Variants in HIBCH observed in about 807,000 individuals in gnomAD.
HIBCH encodes the protein 3-hydroxyisobutyryl-CoA hydrolase.
HIBCH carries 50 observed loss-of-function variants against 58.2 expected under a neutral mutation model. That is an observed-to-expected ratio of 0.86 (90% CI 0.68 to 1.09). The LOEUF is 1.09. Ranked by LOEUF, HIBCH falls within the 50% of genes least tolerant of loss-of-function variation. HIBCH has a pLI of 0.00. For synonymous variants in HIBCH, 151 were observed against 146.9 expected (o/e 1.03, Z -0.20); for missense variants, 450 against 449.7 (o/e 1.00, Z -0.01).
chr2:190,196,347 G>C (rs916649488), intron 1 of HIBCH, among the ~76,000 whole-genome samples: 1 of 151,990 alleles, frequency 6.6e-6, no homozygotes, highest in East Asian at 1.9e-4. Context: ...TCCACACAAT[G>C]AATTTTTCAT....
intron 11 of HIBCH, among the ~76,000 whole-genome samples, chr2:190,224,636 A>C (rs1685836356): frequency 6.6e-6 from 1 of 152,200 alleles, no homozygotes; most frequent in Non-Finnish European, 1.5e-5. Context: ...TTAATAAAGC[A>C]AGTCCTTACA....
chr2:190,318,233 G>C (rs1220961733), intron 1 of HIBCH, among the ~76,000 whole-genome samples: 2 of 150,672 alleles, frequency 1.3e-5, no homozygotes, highest in Admixed American at 1.3e-4. Flanking sequence ...GTTACCCTAA[G>C]ACAGATGATT....
intron 8 of HIBCH, 69 bp from the exon 9 acceptor site, chr2:190,249,795 CTCA>C (rs2105938727): frequency 1.0e-6 from 1 of 989,504 alleles, no homozygotes; most frequent in South Asian, 1.4e-5. Context: ...TTATAAAAAT[CTCA>C]TCTTCTTTTT....
chr2:190,234,870 G>A (rs1423362956), intron 11 of HIBCH, among the ~76,000 whole-genome samples: 1 of 151,830 alleles, frequency 6.6e-6, no homozygotes, highest in Non-Finnish European at 1.5e-5. Flanking sequence ...CGTATGGTGT[G>A]AGAAGCCAGT....
chr2:190,246,242 T>A (rs1686604702), intron 9 of HIBCH, 30 bp from the exon 10 acceptor site: 1 of 1,307,294 alleles, frequency 7.6e-7, no homozygotes, highest in East Asian at 2.4e-5. Flanking sequence ...TTTTAATAAA[T>A]TTGAACACAA....
Position 190,194,019 on chromosome 2 carries a change from G to A in HIBCH, c.*18-4022C>T, listed in dbSNP as rs368162964. ...TTGAAACTATATTTTAATTTCTCCT[G>A]TGATTTTCTTCTTTGTCCCATGGGT... On this transcript the variant is annotated intron_variant, in intron 1 of 1. Transcript: ENST00000399855. Among the ~76,000 whole-genome samples, 4 of 152,060 alleles carry A rather than the reference G, an allele frequency of 2.6e-5. No homozygotes were observed. In the East Asian group the frequency reaches 7.7e-4, roughly 29 times the overall value.
intron 2 of HIBCH, among the ~76,000 whole-genome samples, chr2:190,302,769 C>T (rs562871117): frequency 5.3e-5 from 8 of 152,092 alleles, no homozygotes; most frequent in Non-Finnish European, 1.2e-4. Flanking sequence ...TTGGGGGGAA[C>T]AGGATTTTTT....
At position 190,254,355 on chromosome 2, in the gene HIBCH, T is replaced by A. The variant is rs1426383891; in HGVS notation, c.518-2048A>T. 6.6e-6 allele frequency among the ~76,000 whole-genome samples: 1 copy of A among 152,130 alleles called. No homozygotes were observed. On this transcript the variant is annotated intron_variant, in intron 7 of 13. Transcript: ENST00000359678. The surrounding 1 kb of genome is among the most constrained non-coding windows in gnomAD (Gnocchi z 5.0). ...GACAGAGCAAGAAGGCAGCAGTCTATTAGCCACAGAGAGAGGGCTCAAGAG... is the reference window on the plus strand; with the variant it reads ...GACAGAGCAAGAAGGCAGCAGTCTAATAGCCACAGAGAGAGGGCTCAAGAG...
At chr2:190,290,811 A>G (rs1355682938) in intron 4 of HIBCH, among the ~76,000 whole-genome samples, 1 of 152,224 alleles carries the variant, frequency 6.6e-6, no homozygotes, top group East Asian at 1.9e-4. Context: ...CCTTGAGGCC[A>G]GGAGTTTGAG....
intron 6 of HIBCH, among the ~76,000 whole-genome samples, chr2:190,268,867 C>CT (rs1238177930): frequency 6.6e-6 from 1 of 152,104 alleles, no homozygotes; most frequent in Non-Finnish European, 1.5e-5. Context: ...CAGCATGGTA[C>CT]TGGTACCAAA....
intron 1 of HIBCH, among the ~76,000 whole-genome samples, chr2:190,198,827 TAAGAGGAGTTC>T (rs1191531022): frequency 2.0e-5 from 3 of 152,088 alleles, no homozygotes; most frequent in African/African-American, 7.2e-5. Context: ...TTAAGTCCCT[TAAGAGGAGTTC>T]ATTCTGTGAT....
chr2:190,290,878 C>T (rs1173876580), intron 4 of HIBCH, among the ~76,000 whole-genome samples: 1 of 152,062 alleles, frequency 6.6e-6, no homozygotes, highest in Non-Finnish European at 1.5e-5. Context: ...GGCTGCAGTG[C>T]CACATGCCTG....
intron 6 of HIBCH, chr2:190,280,885 G>C (rs954625818): frequency 1.3e-5 from 2 of 152,176 alleles, no homozygotes; most frequent in Non-Finnish European, 2.9e-5. Context: ...TATTGTTCCT[G>C]TTCTAAAACT....
intron 4 of HIBCH, among the ~76,000 whole-genome samples, chr2:190,291,258 G>C (rs1248759909): frequency 1.3e-5 from 2 of 152,162 alleles, no homozygotes; most frequent in Non-Finnish European, 2.9e-5. Context: ...AGGTGTTGCA[G>C]ATAATAAAGA....
At chr2:190,305,664 A>G (rs1379795729) in intron 2 of HIBCH, among the ~76,000 whole-genome samples, 1 of 152,216 alleles carries the variant, frequency 6.6e-6, no homozygotes, top group Non-Finnish European at 1.5e-5. Flanking sequence ...ATGTAGGATC[A>G]CATTAGGGGA....
Position 190,301,068 on chromosome 2 carries a change from T to C in HIBCH, c.79-4115A>G, listed in dbSNP as rs144108830. Among the ~76,000 whole-genome samples, 223 of 152,292 alleles carry C rather than the reference T, an allele frequency of 1.5e-3. 1 individual carries two copies. Among genetic ancestry groups the C allele is most frequent in the African/African-American group, 5.3e-3 (219 of 41,552 alleles). ...CCAGGGGCATAAGCCATAAGAAAGA[T>C]TAACTTAAAATGTTAATCTTAGTTA... is the stretch of plus-strand genomic sequence containing the variant. On this transcript the variant is annotated intron_variant, in intron 2 of 13. Coordinates refer to ENST00000359678, the MANE Select transcript of HIBCH (RefSeq NM_014362.4).
At chr2:190,255,126 T>C (rs1686886707) in intron 7 of HIBCH, among the ~76,000 whole-genome samples, 1 of 152,150 alleles carries the variant, frequency 6.6e-6, no homozygotes, top group South Asian at 2.1e-4. Context: ...TACTACAATA[T>C]AAATATAAAC....
chr2:190,312,091 T>G (rs986809593), intron 1 of HIBCH, among the ~76,000 whole-genome samples: 1 of 152,116 alleles, frequency 6.6e-6, no homozygotes, highest in Non-Finnish European at 1.5e-5. Context: ...ATGTAAATTA[T>G]AATAAGAAAG....
At chr2:190,305,867 A>G (rs1313664163) in intron 2 of HIBCH, among the ~76,000 whole-genome samples, 1 of 152,250 alleles carries the variant, frequency 6.6e-6, no homozygotes, top group Non-Finnish European at 1.5e-5. Context: ...TAATCTCAGT[A>G]AGATTTTTTG....
Sources: gnomAD v4.1 joint callset for allele counts (sites outside exome capture counted in the v4.1 genomes callset) on GRCh38, gnomAD v4.1.1 for gene constraint, Gnocchi (gnomAD v3.1) non-coding constraint, MANE v1.5 for transcripts, NCBI Gene and HGNC (gene_info 2026-07-23, HGNC 2026-07-21) for gene names.